Variants in VEGFD observed in about 807,000 individuals in gnomAD.
VEGFD encodes c-fos induced growth factor (vascular endothelial growth factor D).
VEGFD carries 26 observed loss-of-function variants against 28.0 expected under a neutral mutation model. The ratio of observed to expected loss-of-function variants is 0.93; its 90% CI spans 0.68 to 1.29. The LOEUF is 1.29. Among genes scored for constraint, VEGFD ranks in the 50% most tolerant of loss-of-function variants. The pLI, the probability that VEGFD is intolerant of heterozygous loss-of-function variation, is 0.00. For missense variants in VEGFD, 294 were observed against 273.4 expected (o/e 1.08, Z -0.53); for synonymous variants, 93 against 95.5 (o/e 0.97, Z 0.15).
chrX:15,377,402 G>A lies in VEGFD; in HGVS notation c.90+6455C>T, dbSNP rs747379835. On this transcript the variant is annotated intron_variant, in intron 1 of 6. Transcript: ENST00000297904. ...TCCTAAGCAAAGTATACGTTCTTCC[G>A]TGCATTAAAGGAGGCATGACACATG... Among the ~76,000 whole-genome samples the A allele has an allele frequency of 7.1e-5, 8 of 111,995 alleles. No individual in the cohort carries two copies. In the East Asian group the frequency reaches 1.1e-3, roughly 16 times the overall value.
At chrX:15,355,009 T>A (rs1367252506) in intron 4 of VEGFD, 141 bp downstream of exon 4, 1 of 500,562 alleles carries the variant, frequency 2.0e-6, no homozygotes, top group African/African-American at 2.5e-5. Context: ...TTATTACCAG[T>A]AGGTTCAGGT....
chrX:15,365,290 G>A (rs1923118665), intron 1 of VEGFD, among the ~76,000 whole-genome samples: 1 of 111,207 alleles, frequency 9.0e-6, no homozygotes, highest in African/African-American at 3.3e-5. Flanking sequence ...CTGCCACCAT[G>A]CCCGGCTAAT....
Position 15,353,132 on chromosome X carries a change from C to T in VEGFD, c.678G>A (p.Met226Ile). 1 of 1,182,071 alleles carries T rather than the reference C, an allele frequency of 8.5e-7. No homozygotes were observed. The highest frequency in any genetic ancestry group is 1.1e-6 in the Non-Finnish European group (1 of 876,159). The change falls in exon 5 of 7, where the codon ATG becomes ATA. Residue 226 changes from methionine (M) to isoleucine (I), a missense_variant. By Grantham distance (10) the Met-to-Ile change is conservative (BLOSUM62 1). Transcript: ENST00000297904. ...ATTTACATTTGTTGCTATCCCATAGCATGTCAATAGGACAGAGTTTCTTGG... is the reference window on the plus strand; with the variant it reads ...ATTTACATTTGTTGCTATCCCATAGTATGTCAATAGGACAGAGTTTCTTGG... The part of the protein sequence containing the change: ...SHSKKLCPID[M>I]LWDSNKCKCV...
At chrX:15,366,099 C>T (rs746960023) in intron 1 of VEGFD, among the ~76,000 whole-genome samples, 5 of 111,537 alleles carry the variant, frequency 4.5e-5, no homozygotes, top group South Asian at 7.5e-4. Flanking sequence ...CTCCACCTCC[C>T]GGGTTCACGC....
At chrX:15,383,145 G>A (rs933357894) in intron 1 of VEGFD, among the ~76,000 whole-genome samples, 1 of 111,503 alleles carries the variant, frequency 9.0e-6, no homozygotes. Flanking sequence ...AATTACATCC[G>A]AATCATTTTC....
At chrX:15,353,318 G>C in intron 4 of VEGFD, 150 bp from the exon 5 acceptor site, 1 of 267,170 alleles carries the variant, frequency 3.7e-6, no homozygotes. Flanking sequence ...ATAAGGTTTT[G>C]AGATCTATTG....
At chrX:15,372,549 C>A (rs897054506) in intron 1 of VEGFD, among the ~76,000 whole-genome samples, 9 of 110,866 alleles carry the variant, frequency 8.1e-5, no homozygotes, top group Non-Finnish European at 1.5e-4. Flanking sequence ...CTCACAGATT[C>A]TCATTTTTTG....
intron 1 of VEGFD, among the ~76,000 whole-genome samples, chrX:15,367,187 A>G (rs1034232639): frequency 2.7e-5 from 3 of 112,348 alleles, no homozygotes; most frequent in African/African-American, 6.5e-5. Flanking sequence ...GTCAGAAACA[A>G]GAGGAAAATA....
intron 5 of VEGFD, among the ~76,000 whole-genome samples, chrX:15,350,787 C>CTTTCTTTTCTTTTCTTTTCT (rs565802253): frequency 8.3e-5 from 8 of 95,854 alleles, no homozygotes; most frequent in African/African-American, 3.3e-4. Context: ...CTTTCTCTCT[C>CTTTCTTTTCTTTTCTTTTCT]TTTCTTTTCT....
At chrX:15,346,477 G>T (rs1922551511) in intron 6 of VEGFD, among the ~76,000 whole-genome samples, 1 of 111,632 alleles carries the variant, frequency 9.0e-6, no homozygotes, top group African/African-American at 3.3e-5. Flanking sequence ...TAAATCCAAT[G>T]ATATTCCCTC....
Position 15,373,866 on chromosome X carries a change from T to C in VEGFD, c.90+9991A>G, listed in dbSNP as rs189923406. ...TCAACCAAAACCACCAAATTTTTCC[T>C]GGTTTTGGGGTCCAAGTAGCAATGT... On this transcript the variant is annotated intron_variant, in intron 1 of 6. Coordinates refer to ENST00000297904, the MANE Select transcript of VEGFD (RefSeq NM_004469.5). 7.7e-3 allele frequency among the ~76,000 whole-genome samples: 860 copies of C among 111,464 alleles called. 12 individuals carry two copies. Among genetic ancestry groups the C allele is most frequent in the African/African-American group, 0.026 (812 of 30,672 alleles).
chrX:15,354,720 C>T (rs944999197), intron 4 of VEGFD, among the ~76,000 whole-genome samples: 11 of 111,462 alleles, frequency 9.9e-5, no homozygotes, highest in Admixed American at 4.8e-4. Context: ...GCAAAACTCA[C>T]GTGCTGCTAG....
At chrX:15,366,967 G>T (rs1923162595) in intron 1 of VEGFD, among the ~76,000 whole-genome samples, 1 of 112,249 alleles carries the variant, frequency 8.9e-6, no homozygotes, top group Admixed American at 9.5e-5. Flanking sequence ...AATCTACAAG[G>T]TTATCGCACT....
At position 15,351,027 on chromosome X, in the gene VEGFD, A is replaced by ATTTTTTT. The variant is rs35997805; in HGVS notation, c.742+2034_742+2040dup. ...CAGGCGCACATCACCATGCCCAGCT[A>ATTTTTTT]TTTTTTTTTTTTTTTTTTTTTTTTT... On this transcript the variant is annotated intron_variant, in intron 5 of 6. Transcript: ENST00000297904. Among the ~76,000 whole-genome samples the ATTTTTTT allele has an allele frequency of 2.7e-3, 40 of 14,756 alleles. 7 individuals are homozygous for ATTTTTTT. Among genetic ancestry groups the ATTTTTTT allele is most frequent in the African/African-American group, 3.2e-3 (17 of 5,357 alleles). 12.8% of individuals were successfully genotyped at this position (14,756 alleles called of 115,157 possible). A position where few individuals can be genotyped will look rare whatever the true frequency, so the allele number is the denominator to read the frequency against.
At position 15,354,134 on chromosome X, in the gene VEGFD, A is replaced by G. The variant is rs1274965833; in HGVS notation, c.642-966T>C. Among the ~76,000 whole-genome samples the G allele has an allele frequency of 4.8e-5, 5 of 103,223 alleles. No individual in the cohort carries two copies. The East Asian group carries it at 1.5e-3, about 31-fold the overall frequency. The allele number at this position is 103,223 out of a possible 115,157, so 89.6% of individuals were successfully genotyped here. On this transcript the variant is annotated intron_variant, in intron 4 of 6. Transcript: ENST00000297904. ...CAGGCACCCACCACCACACCCGGCTAATTTTTTTTTATATTTTTAGTAGAG... is the reference window on the plus strand; with the variant it reads ...CAGGCACCCACCACCACACCCGGCTGATTTTTTTTTATATTTTTAGTAGAG...
chrX:15,371,440 T>A (rs1923306957), intron 1 of VEGFD, among the ~76,000 whole-genome samples: 1 of 112,598 alleles, frequency 8.9e-6, no homozygotes, highest in Non-Finnish European at 1.9e-5. Flanking sequence ...TTTTCTTTTT[T>A]CTTTCTAGCA....
chrX:15,359,816 C>G (rs899731475), intron 2 of VEGFD, among the ~76,000 whole-genome samples: 1 of 112,011 alleles, frequency 8.9e-6, no homozygotes, highest in African/African-American at 3.2e-5. Context: ...AAAGCACACT[C>G]TGCTTCAGCT....
intron 5 of VEGFD, among the ~76,000 whole-genome samples, chrX:15,351,187 C>T (rs2147736025): frequency 1.0e-5 from 1 of 95,900 alleles, no homozygotes; most frequent in African/African-American, 3.8e-5. Context: ...GGGATCTCGG[C>T]TCACTGCAAG....
chrX:15,382,319 C>CAAATAAATAAATAAATAAAT lies in VEGFD; in HGVS notation c.90+1518_90+1537dup, dbSNP rs774994295. ...TGGGTGACAGAGTGAGACTCCGTCT[C>CAAATAAATAAATAAATAAAT]AAATAAATAAATAAATAAATAAATA... On this transcript the variant is annotated intron_variant, in intron 1 of 6. Coordinates refer to ENST00000297904, the MANE Select transcript of VEGFD (RefSeq NM_004469.5). 8.5e-3 allele frequency among the ~76,000 whole-genome samples: 807 copies of CAAATAAATAAATAAATAAAT among 95,412 alleles called. 10 individuals are homozygous for CAAATAAATAAATAAATAAAT. Among genetic ancestry groups the CAAATAAATAAATAAATAAAT allele is most frequent in the South Asian group, 0.018 (33 of 1,802 alleles). 82.9% of individuals were successfully genotyped at this position (95,412 alleles called of 115,157 possible).
Sources: allele counts gnomAD v4.1 joint callset (sites outside exome capture counted in the v4.1 genomes callset), GRCh38; gene constraint gnomAD v4.1.1; transcripts MANE v1.5; gene names NCBI Gene and HGNC (gene_info 2026-07-23, HGNC 2026-07-21).